Variants in TNFAIP8 observed in about 807,000 individuals in gnomAD.
The protein encoded by TNFAIP8 is TNF alpha induced protein 8.
Under a neutral mutation model 13.3 loss-of-function variants are expected in TNFAIP8, and 7 were observed. The ratio of observed to expected loss-of-function variants is 0.52; its 90% confidence interval spans 0.30 to 0.99. TNFAIP8 has a LOEUF of 0.99. Ranked by LOEUF, TNFAIP8 falls within the 50% of genes least tolerant of loss-of-function variation. TNFAIP8 has a pLI of 0.07. For synonymous variants in TNFAIP8, 94 were observed against 87.6 expected, an observed-to-expected ratio of 1.07 and a Z score of -0.41; for missense variants, 258 against 236.9, an observed-to-expected ratio of 1.09 and a Z score of -0.58.
intron 1 of TNFAIP8, among the ~76,000 whole-genome samples, chr5:119,281,152 C>A (rs1164602361): frequency 1.3e-5 from 2 of 152,006 alleles, no homozygotes; most frequent in African/African-American, 4.8e-5. Flanking sequence ...CAACCATTTT[C>A]CCAAGAAACC....
At chr5:119,292,212 G>A (rs574368161) in intron 1 of TNFAIP8, among the ~76,000 whole-genome samples, 28 of 152,170 alleles carry the variant, frequency 1.8e-4, no homozygotes, top group African/African-American at 6.5e-4. Context: ...GTTCCCTATT[G>A]CAGCTCTGGC....
chr5:119,324,856 A>G (rs1750172923), intron 1 of TNFAIP8, among the ~76,000 whole-genome samples: 1 of 152,134 alleles, frequency 6.6e-6, no homozygotes, highest in African/African-American at 2.4e-5. Context: ...ATGGCTTAAT[A>G]TAATTTCTTT....
At chr5:119,282,471 A>G (rs927717310) in intron 1 of TNFAIP8, among the ~76,000 whole-genome samples, 1 of 152,174 alleles carries the variant, frequency 6.6e-6, no homozygotes, top group Admixed American at 6.5e-5. Context: ...ATGTGGGTGC[A>G]GCACCCATTG....
At chr5:119,323,373 G>A (rs970377565) in intron 1 of TNFAIP8, among the ~76,000 whole-genome samples, 1 of 152,032 alleles carries the variant, frequency 6.6e-6, no homozygotes, top group Non-Finnish European at 1.5e-5. Flanking sequence ...CCTCCCTCAA[G>A]CACATTCCCA....
rs140278302 is a variant in TNFAIP8, at chr5:119,396,076, G to C, written c.*2695G>C. 13 of 152,270 alleles carry C rather than the reference G, an allele frequency of 8.5e-5. No individual in the cohort carries two copies. The highest frequency in any genetic ancestry group is 3.1e-4 in the African/African-American group (13 of 41,546). The allele number at this position is 152,270 out of a possible 1,614,324, so 9.4% of individuals were successfully genotyped here. ...ACCATCTTATAGATAAGGAAACTAGGGGAATAGAAGTTAAGGAATTTCCTG... is the reference window on the plus strand; with the variant it reads ...ACCATCTTATAGATAAGGAAACTAGCGGAATAGAAGTTAAGGAATTTCCTG... On this transcript the variant is annotated 3_prime_UTR_variant, in exon 2 of 2. Coordinates refer to ENST00000504771, the MANE Select transcript of TNFAIP8 (RefSeq NM_014350.4).
At chr5:119,293,920 C>T (rs1352434031) in intron 1 of TNFAIP8, among the ~76,000 whole-genome samples, 2 of 152,124 alleles carry the variant, frequency 1.3e-5, no homozygotes, top group Admixed American at 6.6e-5. Context: ...ACACTTGCAG[C>T]GCTTTACAGT....
At chr5:119,296,280 T>G (rs963117956) in intron 1 of TNFAIP8, among the ~76,000 whole-genome samples, 8 of 151,972 alleles carry the variant, frequency 5.3e-5, no homozygotes, top group African/African-American at 1.5e-4. Flanking sequence ...AGATAGCTCT[T>G]ATTATTTGAG....
chr5:119,323,288 T>C (rs1370149228), intron 1 of TNFAIP8, among the ~76,000 whole-genome samples: 3 of 152,242 alleles, frequency 2.0e-5, no homozygotes, highest in African/African-American at 7.2e-5. Context: ...CTAAACTTTT[T>C]AACAGGGCTT....
At chr5:119,300,648 C>T (rs529177728) in intron 1 of TNFAIP8, among the ~76,000 whole-genome samples, 11 of 152,176 alleles carry the variant, frequency 7.2e-5, no homozygotes, top group South Asian at 4.1e-4. Flanking sequence ...TTTTTGTTCC[C>T]GTTTTGCAAT....
Position 119,393,075 on chromosome 5 carries a change from A to G in TNFAIP8, c.291A>G (p.Ala97=). The change falls in exon 2 of 2, where the codon GCA becomes GCG. Residue 97 remains alanine, a synonymous_variant. Transcript: ENST00000504771. The part of the protein sequence containing the change: ...RNNQFNQDEL[A]LMEKFKKKVH... ...ATCAGTTTAATCAAGATGAGCTAGC[A>G]TTGATGGAGAAATTTAAGAAGAAAG... is the stretch of plus-strand genomic sequence containing the variant. 6.2e-7 allele frequency: 1 copy of G among 1,613,928 alleles called. No homozygotes were observed. Among genetic ancestry groups the G allele is most frequent in the Non-Finnish European group, 8.5e-7 (1 of 1,179,844 alleles).
At chr5:119,268,945 C>A in intron 1 of TNFAIP8, 1 of 684,578 alleles carries the variant, frequency 1.5e-6, no homozygotes, top group South Asian at 1.5e-5. Flanking sequence ...CGCGCACACT[C>A]CAGCGCGCCT....
At chr5:119,275,196 TAAC>T (rs1316064404) in intron 1 of TNFAIP8, among the ~76,000 whole-genome samples, 1 of 152,134 alleles carries the variant, frequency 6.6e-6, no homozygotes, top group Non-Finnish European at 1.5e-5. Flanking sequence ...GGAAAAATAT[TAAC>T]AAGCAACCAG....
rs1243145592 is a variant in TNFAIP8, at chr5:119,395,799, G to A, written c.*2418G>A. On this transcript the variant is annotated 3_prime_UTR_variant, in exon 2 of 2. Transcript: ENST00000504771. ...CGTGGGAGCTGGGAAGAATCCCCAC[G>A]TGCTTAGGGTAGATAAATCTGAGCC... 1.3e-5 allele frequency: 2 copies of A among 152,126 alleles called. No homozygotes were observed. The highest frequency in any genetic ancestry group is 2.1e-4 in the South Asian group (1 of 4,828). 9.4% of individuals were successfully genotyped at this position (152,126 alleles called of 1,614,324 possible).
intron 1 of TNFAIP8, among the ~76,000 whole-genome samples, chr5:119,374,285 C>T (rs1178202849): frequency 6.6e-6 from 1 of 152,018 alleles, no homozygotes; most frequent in Non-Finnish European, 1.5e-5. Flanking sequence ...CTCCAATGAG[C>T]ATTTTGTTTT....
At chr5:119,390,739 C>T (rs993732620) in intron 1 of TNFAIP8, among the ~76,000 whole-genome samples, 6 of 152,186 alleles carry the variant, frequency 3.9e-5, no homozygotes, top group East Asian at 1.9e-4. Flanking sequence ...AACCATTTTG[C>T]AGCTGCCTCT....
chr5:119,348,760 A>G (rs967924800), intron 1 of TNFAIP8, among the ~76,000 whole-genome samples: 1 of 151,922 alleles, frequency 6.6e-6, no homozygotes, highest in African/African-American at 2.4e-5. Context: ...CATGCCTGTA[A>G]TCTCAGCTAC....
chr5:119,348,085 C>A (rs1750973905), intron 1 of TNFAIP8, among the ~76,000 whole-genome samples: 1 of 152,180 alleles, frequency 6.6e-6, no homozygotes. Context: ...AAGTAGGGCC[C>A]CTTACTCAAC....
intron 1 of TNFAIP8, among the ~76,000 whole-genome samples, chr5:119,297,815 G>A (rs1749225770): frequency 6.6e-6 from 1 of 152,194 alleles, no homozygotes; most frequent in Non-Finnish European, 1.5e-5. Context: ...ATATATTTAG[G>A]ATAGTTAGCT....
chr5:119,362,426 T>C (rs1254348013), intron 1 of TNFAIP8, among the ~76,000 whole-genome samples: 1 of 152,200 alleles, frequency 6.6e-6, no homozygotes, highest in African/African-American at 2.4e-5. Flanking sequence ...AGACTGATCC[T>C]ACTCATGACT....
Sources: allele counts gnomAD v4.1 joint callset (sites outside exome capture counted in the v4.1 genomes callset), GRCh38; gene constraint gnomAD v4.1.1; transcripts MANE v1.5; gene names NCBI Gene and HGNC (gene_info 2026-07-23, HGNC 2026-07-21).